RTN4: variants seen among roughly 807,000 people sequenced by gnomAD.
The protein encoded by RTN4 is reticulon 4.
Under a neutral mutation model 90.4 loss-of-function variants are expected in RTN4, and 32 were observed. The ratio of observed to expected loss-of-function variants is 0.35; its 90% CI spans 0.27 to 0.48. The LOEUF is 0.48. Ranked by LOEUF, RTN4 falls within the 20% of genes least tolerant of loss-of-function variation. The pLI is 0.99. For missense variants in RTN4, 1,706 were observed against 1,430.2 expected, an observed-to-expected ratio of 1.19 and a Z score of -3.11; for synonymous variants, 629 against 552.5, an observed-to-expected ratio of 1.14 and a Z score of -1.94.
chr2:54,974,425 G>A (rs371169753), intron 6 of RTN4, among the ~76,000 whole-genome samples: 5 of 152,068 alleles, frequency 3.3e-5, no homozygotes, highest in African/African-American at 1.2e-4. Context: ...GATTACAGGC[G>A]TGCGCCACCA....
At chr2:55,127,023 G>A in the RTN4 span, among the ~76,000 whole-genome samples, 9 of 152,156 alleles carry the variant, frequency 5.9e-5, no homozygotes, top group Non-Finnish European at 1.0e-4. Flanking sequence ...GGGAGAGTAC[G>A]GGGAGGAAGA....
chr2:55,081,296 C>T (rs146808825), intron 1 of RTN4, among the ~76,000 whole-genome samples: 12 of 151,866 alleles, frequency 7.9e-5, no homozygotes, highest in African/African-American at 2.2e-4. Context: ...AGCCTCGGCT[C>T]GAACTCCTGG....
chr2:55,029,462 A>G (rs1682145641), intron 1 of RTN4, among the ~76,000 whole-genome samples: 1 of 152,202 alleles, frequency 6.6e-6, no homozygotes, highest in Admixed American at 6.6e-5. Flanking sequence ...AATTTGAAAC[A>G]GCCTGAGAGA....
At chr2:55,094,066 T>C (rs983307024) in intron 1 of RTN4, among the ~76,000 whole-genome samples, 1 of 152,224 alleles carries the variant, frequency 6.6e-6, no homozygotes, top group South Asian at 2.1e-4. Context: ...CTGAATCATG[T>C]TCCCCCAAGA....
intron 1 of RTN4, chr2:55,080,711 A>G (rs1668695470): frequency 6.6e-6 from 1 of 152,210 alleles, no homozygotes; most frequent in South Asian, 2.1e-4. Flanking sequence ...TTTAAATCTT[A>G]TTTTACAATA....
chr2:54,981,284 T>C (rs949097495), intron 5 of RTN4, among the ~76,000 whole-genome samples: 1 of 126,230 alleles, frequency 7.9e-6, no homozygotes, highest in Non-Finnish European at 1.6e-5. Context: ...AATGTTTTTG[T>C]TTTTTTTTTT....
upstream of RTN4, among the ~76,000 whole-genome samples, chr2:55,052,985 G>A (rs1018286130): frequency 6.6e-6 from 1 of 152,030 alleles, no homozygotes; most frequent in Non-Finnish European, 1.5e-5. Context: ...TAGTCTCAAA[G>A]GAGTATCTTT....
At chr2:55,029,490 T>G (rs1384801905) in intron 1 of RTN4, among the ~76,000 whole-genome samples, 2 of 152,142 alleles carry the variant, frequency 1.3e-5, no homozygotes, top group Non-Finnish European at 2.9e-5. Flanking sequence ...AAGGTGATAT[T>G]CCTTTAACAG....
chr2:55,027,551 T>C (rs1681999513), intron 2 of RTN4, 66 bp from the exon 3 acceptor site: 5 of 1,491,710 alleles, frequency 3.4e-6, no homozygotes, highest in Non-Finnish European at 3.6e-6. Flanking sequence ...GCAAGTTTTA[T>C]GACAGATCCA....
the RTN4 span, among the ~76,000 whole-genome samples, chr2:55,127,912 A>G: frequency 2.0e-5 from 3 of 150,364 alleles, no homozygotes; most frequent in Non-Finnish European, 4.4e-5. Flanking sequence ...CCTCTCTGTG[A>G]TGGCTTTTTT....
chr2:55,051,176 C>CT (rs1409206260), upstream of RTN4, among the ~76,000 whole-genome samples: 1 of 152,204 alleles, frequency 6.6e-6, no homozygotes, highest in Admixed American at 6.5e-5. Context: ...GCTGAATTAA[C>CT]TAGGGATCTG....
intron 3 of RTN4, chr2:55,014,637 C>G (rs753936393): frequency 1.3e-5 from 2 of 152,248 alleles, no homozygotes; most frequent in African/African-American, 2.4e-5. Flanking sequence ...CCTGCCTAGC[C>G]TCCCAAGTGG....
intron 1 of RTN4, among the ~76,000 whole-genome samples, chr2:55,030,759 T>C (rs922725535): frequency 2.6e-5 from 4 of 152,228 alleles, no homozygotes; most frequent in African/African-American, 9.6e-5. Flanking sequence ...AAGCACGAGA[T>C]GTGCTTCATC....
chr2:55,101,243 A>G (rs1465136107), intron 1 of RTN4, among the ~76,000 whole-genome samples: 1 of 152,068 alleles, frequency 6.6e-6, no homozygotes. Context: ...CTTTTCCTAC[A>G]TATTCCTATA....
At chr2:55,058,368 T>A (rs999143095) in intron 2 of RTN4, among the ~76,000 whole-genome samples, 1 of 152,204 alleles carries the variant, frequency 6.6e-6, no homozygotes, top group African/African-American at 2.4e-5. Context: ...GGGTTTCTCT[T>A]CAGCCATGAA....
chr2:55,028,176 G>A lies in RTN4; in HGVS notation c.601C>T (p.Arg201Cys), dbSNP rs752729628. The A allele has an allele frequency of 1.6e-5, 26 of 1,612,554 alleles. No individual in the cohort carries two copies. The highest frequency in any genetic ancestry group is 6.7e-5 in the Admixed American group (4 of 59,756). Residue 201 changes from arginine (R) to cysteine (C), a missense_variant, in exon 2 of 9, where the codon CGC (arginine) becomes TGC (cysteine). Physicochemically the swap from Arg to Cys is radical, Grantham distance 180 (BLOSUM62 -3). Coordinates refer to ENST00000337526, the MANE Select transcript of RTN4 (RefSeq NM_020532.5). Reference protein sequence around the residue: ...ALPAASEPVIRSSAENMDLKE... With the variant: ...ALPAASEPVICSSAENMDLKE... Reference sequence around the variant, plus strand: ...AGAAAGAACTTGCCTGCAGAGGAGCGTATCACAGGCTCAGATGCAGCAGGA... The same window carrying A: ...AGAAAGAACTTGCCTGCAGAGGAGCATATCACAGGCTCAGATGCAGCAGGA...
At chr2:55,027,610 G>T in intron 2 of RTN4, 125 bp from the exon 3 acceptor site, 1 of 928,250 alleles carries the variant, frequency 1.1e-6, no homozygotes, top group Non-Finnish European at 1.6e-6. Flanking sequence ...AATGTTAATA[G>T]CAATTAATAA....
At chr2:55,081,998 C>CT (rs1254996998) in intron 1 of RTN4, among the ~76,000 whole-genome samples, 1 of 152,028 alleles carries the variant, frequency 6.6e-6, no homozygotes, top group Non-Finnish European at 1.5e-5. Context: ...CTCATGCTGC[C>CT]TTTAAATATA....
chr2:55,026,922 C>T lies in RTN4; in HGVS notation c.1177G>A (p.Val393Ile), dbSNP rs199928140. The T allele has an allele frequency of 5.6e-6, 9 of 1,613,674 alleles. No homozygotes were observed. The East Asian group carries it at 1.8e-4, about 32-fold the overall frequency. The change falls in exon 3 of 9, where the codon GTA becomes ATA. Residue 393 changes from valine (V) to isoleucine (I), a missense_variant. Coordinates refer to ENST00000337526, the MANE Select transcript of RTN4 (RefSeq NM_020532.5). ...TCCTTACTATCTTTCACTTCCCATA[C>T]TCGCTCAAATGGTTTGAAGTCTGCA... is the stretch of plus-strand genomic sequence containing the variant. Reference protein sequence around the residue: ...EYADFKPFERVWEVKDSKEDS... With the variant: ...EYADFKPFERIWEVKDSKEDS...
Sources: gnomAD v4.1 joint callset for allele counts (sites outside exome capture counted in the v4.1 genomes callset) on GRCh38, gnomAD v4.1.1 for gene constraint, MANE v1.5 for transcripts, NCBI Gene and HGNC (gene_info 2026-07-23, HGNC 2026-07-21) for gene names.